The following CFDP1 variants were observed in gnomAD, a reference collection of about 807,000 sequenced individuals.
CFDP1 encodes the protein heterochromatin-stabilizing protein CFDP1.
CFDP1 carries 31 observed loss-of-function variants against 40.1 expected under a neutral mutation model. The observed-to-expected ratio is 0.77, with a 90% CI of 0.58 to 1.04. The LOEUF (loss-of-function observed/expected upper bound fraction) is 1.04, where lower values mean the gene tolerates loss of function less well. CFDP1 is among the 50% of genes least tolerant of loss of function. The pLI, the probability that CFDP1 is intolerant of heterozygous loss-of-function variation, is 0.00. For missense variants in CFDP1, 423 were observed against 343.4 expected (o/e 1.23, Z -1.83); for synonymous variants, 167 against 120.0 (o/e 1.39, Z -2.56).
In CFDP1 at chr16:75,386,954, C is replaced by A. The variant is rs116364722; in HGVS notation, c.650+8136G>T. On this transcript the variant is annotated intron_variant, in intron 5 of 6. Coordinates refer to ENST00000283882, the MANE Select transcript of CFDP1 (RefSeq NM_006324.3). ...ATAGATTGAAAATACTCCAAATATT[C>A]AAGGGAAAATCTTTTAAAAACTATT... is the stretch of plus-strand genomic sequence containing the variant. Among the ~76,000 whole-genome samples, 1,070 of 152,270 alleles carry A rather than the reference C, an allele frequency of 7.0e-3. 13 individuals carry two copies. Among genetic ancestry groups the A allele is most frequent in the African/African-American group, 0.024 (1,005 of 41,528 alleles).
intron 5 of CFDP1, among the ~76,000 whole-genome samples, chr16:75,382,543 C>A (rs1392123191): frequency 2.0e-5 from 3 of 152,168 alleles, no homozygotes. Context: ...AAATTGAGGT[C>A]AGACTGGTCT....
At chr16:75,421,530 A>G (rs1267908766) in intron 1 of CFDP1, among the ~76,000 whole-genome samples, 4 of 152,226 alleles carry the variant, frequency 2.6e-5, no homozygotes, top group African/African-American at 4.8e-5. Context: ...AATCTTGTCC[A>G]AAGACTCAGA....
chr16:75,294,143 T>C lies in CFDP1; in HGVS notation c.810-101A>G, dbSNP rs77250468. On this transcript the variant is annotated intron_variant, in intron 6 of 6. Coordinates refer to ENST00000283882, the MANE Select transcript of CFDP1 (RefSeq NM_006324.3). Reference sequence around the variant, plus strand: ...GGATAAACTAAGTTACAGTAAATGGTGCCGAGAGTGACCACCCATGACTCT... The same window carrying C: ...GGATAAACTAAGTTACAGTAAATGGCGCCGAGAGTGACCACCCATGACTCT... 1,128 of 842,862 alleles carry C rather than the reference T, an allele frequency of 1.3e-3. 15 individuals carry two copies. The East Asian group carries it at 0.028, about 21-fold the overall frequency. The allele number at this position is 842,862 out of a possible 1,614,324, so 52.2% of individuals were successfully genotyped here. A position where few individuals can be genotyped will look rare whatever the true frequency, so the allele number is the denominator to read the frequency against.
chr16:75,298,989 C>T (rs1394321720), intron 6 of CFDP1, among the ~76,000 whole-genome samples: 1 of 152,202 alleles, frequency 6.6e-6, no homozygotes, highest in Admixed American at 6.5e-5. Flanking sequence ...CAGTGTTTCT[C>T]TTCTCTATGC....
At position 75,412,056 on chromosome 16, in the gene CFDP1, C is replaced by G. The variant is rs571720035; in HGVS notation, c.403-104G>C. On this transcript the variant is annotated intron_variant, in intron 3 of 6. Coordinates refer to ENST00000283882, the MANE Select transcript of CFDP1 (RefSeq NM_006324.3). ...TTTGAGATAGCGTCTCACTCTGTAG[C>G]CCAAGCTGGAGTGCAGTAACACAAT... The G allele has an allele frequency of 4.1e-4, 505 of 1,231,120 alleles. 2 individuals carry two copies. The highest frequency in any genetic ancestry group is 6.9e-4 in the South Asian group (43 of 61,990). 76.3% of individuals were successfully genotyped at this position (1,231,120 alleles called of 1,614,324 possible). A position where few individuals can be genotyped will look rare whatever the true frequency, so the allele number is the denominator to read the frequency against.
chr16:75,297,795 T>C (rs2078194612), intron 6 of CFDP1, among the ~76,000 whole-genome samples: 1 of 152,228 alleles, frequency 6.6e-6, no homozygotes, highest in Non-Finnish European at 1.5e-5. Context: ...TGACATCTTT[T>C]GAATCTTCCA....
intron 5 of CFDP1, among the ~76,000 whole-genome samples, chr16:75,378,375 T>C (rs2078821274): frequency 6.6e-6 from 1 of 152,098 alleles, no homozygotes; most frequent in African/African-American, 2.4e-5. Context: ...TGGGGTCAGC[T>C]ACTTGCTGAA....
At chr16:75,311,052 A>G (rs1315370376) in intron 5 of CFDP1, among the ~76,000 whole-genome samples, 3 of 152,222 alleles carry the variant, frequency 2.0e-5, no homozygotes, top group African/African-American at 7.2e-5. Context: ...AGATCAACAT[A>G]CAGGCAAACT....
intron 1 of CFDP1, among the ~76,000 whole-genome samples, chr16:75,423,138 G>A (rs959636421): frequency 5.9e-5 from 9 of 151,872 alleles, no homozygotes; most frequent in Non-Finnish European, 8.8e-5. Flanking sequence ...AAAATTAGCC[G>A]GGCCTTGTGG....
intron 5 of CFDP1, among the ~76,000 whole-genome samples, chr16:75,330,358 A>G (rs2078436915): frequency 6.6e-6 from 1 of 152,216 alleles, no homozygotes; most frequent in African/African-American, 2.4e-5. Context: ...AGGCCAAGGC[A>G]GGTGGATCAC....
intron 5 of CFDP1, among the ~76,000 whole-genome samples, chr16:75,351,312 G>A (rs917976937): frequency 6.6e-6 from 1 of 152,130 alleles, no homozygotes; most frequent in African/African-American, 2.4e-5. Context: ...GTAGCAACTG[G>A]CATTCTTATC....
At chr16:75,365,869 CAA>C (rs2078710128) in intron 5 of CFDP1, among the ~76,000 whole-genome samples, 1 of 152,188 alleles carries the variant, frequency 6.6e-6, no homozygotes, top group East Asian at 1.9e-4. Flanking sequence ...TCTGCTAGAT[CAA>C]AAAGGCCAAC....
chr16:75,360,551 A>G (rs542059696), intron 5 of CFDP1, among the ~76,000 whole-genome samples: 1 of 152,294 alleles, frequency 6.6e-6, no homozygotes, highest in South Asian at 2.1e-4. Context: ...TATCGCATTA[A>G]CCCCCAATGG....
intron 6 of CFDP1, among the ~76,000 whole-genome samples, chr16:75,303,246 A>G (rs1292814244): frequency 6.6e-6 from 1 of 151,180 alleles, no homozygotes; most frequent in African/African-American, 2.4e-5. Context: ...CGCGCCTGTA[A>G]TCCCAGCTAC....
chr16:75,404,707 A>AG (rs1364876209), intron 4 of CFDP1, among the ~76,000 whole-genome samples: 2 of 152,180 alleles, frequency 1.3e-5, no homozygotes, highest in African/African-American at 4.8e-5. Context: ...GACTCTTAAA[A>AG]AAAAAAAAGC....
chr16:75,421,741 G>A (rs144072448), intron 1 of CFDP1, among the ~76,000 whole-genome samples: 4 of 152,040 alleles, frequency 2.6e-5, no homozygotes, highest in Admixed American at 2.0e-4. Context: ...ATCACACAAG[G>A]AAATTACCAA....
In CFDP1 at chr16:75,318,408, C is replaced by CTT. The variant is rs11437738; in HGVS notation, c.651-13228_651-13227dup. On this transcript the variant is annotated intron_variant, in intron 5 of 6. Coordinates refer to ENST00000283882, the MANE Select transcript of CFDP1 (RefSeq NM_006324.3). ...GGGAGTTGGCATGCTTTCTTTCTTT[C>CTT]TTTTTTTTTTTTTTTGAGATGAAGT... 8.6e-3 allele frequency among the ~76,000 whole-genome samples: 1,193 copies of CTT among 138,472 alleles called. 21 individuals are homozygous for CTT. Among genetic ancestry groups the CTT allele is most frequent in the African/African-American group, 0.027 (1,009 of 37,684 alleles). The allele number at this position is 138,472 out of a possible 152,430, so 90.8% of individuals were successfully genotyped here. A position where few individuals can be genotyped will look rare whatever the true frequency, so the allele number is the denominator to read the frequency against.
At chr16:75,399,214 A>G (rs1377730354) in intron 4 of CFDP1, among the ~76,000 whole-genome samples, 1 of 152,210 alleles carries the variant, frequency 6.6e-6, no homozygotes, top group Non-Finnish European at 1.5e-5. Flanking sequence ...ATTATTTTTT[A>G]AAGCCACTAA....
In CFDP1 at chr16:75,433,369, G is replaced by A; in HGVS notation, c.-17C>T. The A allele has an allele frequency of 6.3e-7, 1 of 1,581,334 alleles. No individual in the cohort carries two copies. On this transcript the variant is annotated 5_prime_UTR_variant, in exon 1 of 7. Transcript: ENST00000283882. ...TTCCTCCATGTTGCTGCCGCTCGAC[G>A]CTGGTCAAACTCACAAGACCGCAGC...
Sources: gnomAD v4.1 joint callset for allele counts (sites outside exome capture counted in the v4.1 genomes callset) on GRCh38, gnomAD v4.1.1 for gene constraint, MANE v1.5 for transcripts, NCBI Gene and HGNC (gene_info 2026-07-23, HGNC 2026-07-21) for gene names.